The following LRBA variants were observed in gnomAD, a reference collection of about 807,000 sequenced individuals.
LRBA encodes LPS responsive beige-like anchor protein, also known as lipopolysaccharide-responsive and beige-like anchor protein.
LRBA carries 176 observed loss-of-function variants against 330.0 expected under a neutral mutation model. The ratio of observed to expected loss-of-function variants is 0.53; its 90% CI spans 0.47 to 0.60. The LOEUF (loss-of-function observed/expected upper bound fraction) is 0.60. LRBA is among the 20% of genes least tolerant of loss of function. The pLI is 0.00. For synonymous variants in LRBA, 1,230 were observed against 1,193.0 expected (o/e 1.03, Z -0.64); for missense variants, 3,259 against 3,444.8 (o/e 0.95, Z 1.35).
At chr4:150,963,793 G>A (rs541410114) in intron 2 of LRBA, among the ~76,000 whole-genome samples, 2 of 142,064 alleles carry the variant, frequency 1.4e-5, no homozygotes, top group Admixed American at 6.9e-5. Context: ...CCCTCCGCCC[G>A]GCCCCCCAGT....
chr4:150,368,477 A>G (rs543105591), intron 47 of LRBA, among the ~76,000 whole-genome samples: 4 of 152,332 alleles, frequency 2.6e-5, no homozygotes, highest in Non-Finnish European at 5.9e-5. Context: ...TTTAAACAGC[A>G]TCTAAGTTAG....
intron 38 of LRBA, among the ~76,000 whole-genome samples, chr4:150,591,585 T>C (rs1309190957): frequency 6.6e-6 from 1 of 152,066 alleles, no homozygotes; most frequent in Non-Finnish European, 1.5e-5. Context: ...CCTCTGCATG[T>C]TTAAACTAAA....
chr4:150,873,107 C>G (rs572802295), intron 17 of LRBA, among the ~76,000 whole-genome samples: 38 of 152,194 alleles, frequency 2.5e-4, no homozygotes, highest in African/African-American at 8.9e-4. Context: ...AGAAAGAAAG[C>G]ATTTCTAATG....
At chr4:150,863,034 A>C (rs1461889594) in intron 22 of LRBA, among the ~76,000 whole-genome samples, 1 of 152,040 alleles carries the variant, frequency 6.6e-6, no homozygotes, top group Non-Finnish European at 1.5e-5. Context: ...TGTGTGGCTC[A>C]TGCTTATAAT....
Position 150,735,278 on chromosome 4 carries a change from G to A in LRBA, c.5734C>T (p.His1912Tyr). 6.2e-7 allele frequency: 1 copy of A among 1,613,234 alleles called. No individual in the cohort carries two copies. Among genetic ancestry groups the A allele is most frequent in the Non-Finnish European group, 8.5e-7 (1 of 1,179,322 alleles). The change falls in exon 36 of 57, where the codon CAC becomes TAC. Residue 1912 changes from histidine (H) to tyrosine (Y), a missense_variant. By Grantham distance (83) the His-to-Tyr change is moderately conservative. Coordinates refer to ENST00000651943, the MANE Select transcript of LRBA (RefSeq NM_001364905.1). ...CCTACCTCAAATTCCGCATGTCTGT[G>A]AATATCTTCTGCTCTCTGCCTGCTC... Reference protein sequence around the residue: ...ILSRQRAEDIHRHAEFESLCA... With the variant: ...ILSRQRAEDIYRHAEFESLCA...
chr4:150,845,011 GGTCTAAAC>G (rs934021464), intron 26 of LRBA, among the ~76,000 whole-genome samples: 8 of 152,064 alleles, frequency 5.3e-5, no homozygotes, highest in African/African-American at 1.7e-4. Flanking sequence ...ATGGCCTAGT[GGTCTAAAC>G]GTTTAGGGTT....
chr4:150,661,871 C>T (rs1243363404), intron 37 of LRBA, among the ~76,000 whole-genome samples: 1 of 152,098 alleles, frequency 6.6e-6, no homozygotes, highest in African/African-American at 2.4e-5. Context: ...CCACGAGCAT[C>T]GGCCTCCCAA....
chr4:150,371,828 C>G (rs1740377082), intron 47 of LRBA, among the ~76,000 whole-genome samples: 1 of 152,058 alleles, frequency 6.6e-6, no homozygotes, highest in African/African-American at 2.4e-5. Context: ...TATTCCTATC[C>G]TAAAAATATT....
At chr4:150,479,627 T>C (rs1269156417) in intron 42 of LRBA, among the ~76,000 whole-genome samples, 1 of 152,202 alleles carries the variant, frequency 6.6e-6, no homozygotes, top group Non-Finnish European at 1.5e-5. Flanking sequence ...GGAGCTTAAT[T>C]CCCCTCCCCT....
intron 40 of LRBA, among the ~76,000 whole-genome samples, chr4:150,562,813 T>TG (rs1768546624): frequency 1.3e-5 from 2 of 151,872 alleles, no homozygotes; most frequent in Non-Finnish European, 2.9e-5. Context: ...AAATAATTTT[T>TG]TTTTTAATAG....
At chr4:150,989,784 T>TAA (rs113587178) in intron 2 of LRBA, among the ~76,000 whole-genome samples, 7 of 140,614 alleles carry the variant, frequency 5.0e-5, no homozygotes, top group East Asian at 4.1e-4. Context: ...GTAAAGGGGG[T>TAA]AAAAAAAAAA....
At chr4:150,718,220 C>T (rs2127067846) in intron 36 of LRBA, among the ~76,000 whole-genome samples, 1 of 152,054 alleles carries the variant, frequency 6.6e-6, no homozygotes, top group East Asian at 1.9e-4. Flanking sequence ...ATATCCCACT[C>T]CAATGATAAG....
At position 150,848,758 on chromosome 4, in the gene LRBA, C is replaced by T. The variant is rs1750207179; in HGVS notation, c.4339+60G>A. On this transcript the variant is annotated intron_variant, in intron 26 of 56. Transcript: ENST00000651943. ...ACAGAAGACGGATAATTTTCAATGT[C>T]ATCTCTGAATTACTGAAAAATTTTT... 4.8e-6 allele frequency: 6 copies of T among 1,260,784 alleles called. No homozygotes were observed. The South Asian group carries it at 8.8e-5, about 18-fold the overall frequency. 78.1% of individuals were successfully genotyped at this position (1,260,784 alleles called of 1,614,324 possible). A position where few individuals can be genotyped will look rare whatever the true frequency, so the allele number is the denominator to read the frequency against.
intron 53 of LRBA, among the ~76,000 whole-genome samples, chr4:150,292,141 A>G (rs1728390922): frequency 6.6e-6 from 1 of 152,240 alleles, no homozygotes; most frequent in African/African-American, 2.4e-5. Flanking sequence ...TTTATCAAAC[A>G]GACTCCGAAC....
At chr4:150,919,739 A>G (rs563759744) in intron 5 of LRBA, among the ~76,000 whole-genome samples, 22 of 152,358 alleles carry the variant, frequency 1.4e-4, no homozygotes, top group African/African-American at 4.8e-4. Context: ...TACTTTATTC[A>G]TGACTACTTT....
chr4:150,386,818 C>T (rs764080075), intron 47 of LRBA, among the ~76,000 whole-genome samples: 1 of 152,256 alleles, frequency 6.6e-6, no homozygotes, highest in African/African-American at 2.4e-5. Context: ...GTGTCTGCCT[C>T]TAGGTCTTTG....
intron 41 of LRBA, 45 bp downstream of exon 41, chr4:150,490,873 A>C (rs1307518606): frequency 9.1e-7 from 1 of 1,096,910 alleles, no homozygotes; most frequent in Non-Finnish European, 1.4e-6. Context: ...AATCTTAAAG[A>C]GATGGAAGTT....
intron 44 of LRBA, among the ~76,000 whole-genome samples, chr4:150,463,229 G>C (rs1043945824): frequency 2.0e-5 from 3 of 151,898 alleles, no homozygotes; most frequent in African/African-American, 7.3e-5. Context: ...TGGTTTATAG[G>C]AAAGGAGATA....
At chr4:150,849,393 C>G (rs1424632880) in intron 25 of LRBA, 29 bp downstream of exon 25, 1 of 1,607,676 alleles carries the variant, frequency 6.2e-7, no homozygotes, top group Non-Finnish European at 8.5e-7. Flanking sequence ...TGTTTTCACA[C>G]CAATTTTCTA....
Sources: gnomAD v4.1 joint callset for allele counts (sites outside exome capture counted in the v4.1 genomes callset) on GRCh38, gnomAD v4.1.1 for gene constraint, MANE v1.5 for transcripts, NCBI Gene and HGNC (gene_info 2026-07-23, HGNC 2026-07-21) for gene names.